RABL3: variants seen among roughly 807,000 people sequenced by gnomAD.
RABL3 encodes the protein rab-like protein 3.
A neutral mutation model predicts 31.8 loss-of-function variants in RABL3; 31 were observed. That is an observed-to-expected ratio of 0.97 (90% CI 0.73 to 1.31). The LOEUF is 1.31. RABL3 is among the 40% of genes most tolerant of loss of function. RABL3 has a pLI of 0.00. For missense variants in RABL3, 263 were observed against 279.6 expected, an observed-to-expected ratio of 0.94 and a Z score of 0.42; for synonymous variants, 97 against 99.9, an observed-to-expected ratio of 0.97 and a Z score of 0.18.
intron 6 of RABL3, among the ~76,000 whole-genome samples, chr3:120,693,873 T>TAAG (rs1171212764): frequency 6.6e-6 from 1 of 152,002 alleles, no homozygotes; most frequent in African/African-American, 2.4e-5. Context: ...AGAAAATGGG[T>TAAG]AAGTAGAAAT....
intron 1 of RABL3, among the ~76,000 whole-genome samples, chr3:120,741,724 GT>G (rs1164662326): frequency 6.6e-6 from 1 of 152,174 alleles, no homozygotes; most frequent in African/African-American, 2.4e-5. Flanking sequence ...TGGGCTCAGC[GT>G]TAAATCCTAG....
rs889202798 is a variant in RABL3, at chr3:120,689,982, A to G, written c.646-94T>C. The G allele has an allele frequency of 1.1e-5, 11 of 967,360 alleles. No individual in the cohort carries two copies. The East Asian group carries it at 2.7e-4, about 23-fold the overall frequency. 59.9% of individuals were successfully genotyped at this position (967,360 alleles called of 1,614,324 possible). The stretch of plus-strand genomic sequence containing the variant: ...CCCTTCTTTTCCATTTCTGTATGTC[A>G]GCCTGCTGTTTCTTAAAAAAACAAC... On this transcript the variant is annotated intron_variant, in intron 7 of 7. Coordinates refer to ENST00000273375, the MANE Select transcript of RABL3 (RefSeq NM_173825.5).
intron 1 of RABL3, among the ~76,000 whole-genome samples, chr3:120,738,314 T>C (rs1190882027): frequency 1.3e-5 from 2 of 152,224 alleles, no homozygotes; most frequent in African/African-American, 2.4e-5. Context: ...GTCAGAGATA[T>C]AATCTCCTGG....
intron 2 of RABL3, among the ~76,000 whole-genome samples, chr3:120,711,935 C>T (rs1270242679): frequency 2.0e-5 from 3 of 152,028 alleles, no homozygotes; most frequent in African/African-American, 2.4e-5. Context: ...TGCCACTGAT[C>T]GTCCCTGGTA....
At chr3:120,739,027 C>T (rs963741199) in intron 1 of RABL3, among the ~76,000 whole-genome samples, 1 of 152,150 alleles carries the variant, frequency 6.6e-6, no homozygotes, top group Non-Finnish European at 1.5e-5. Flanking sequence ...GGTCTTGTTG[C>T]ACCTCAACAG....
chr3:120,698,597 G>A (rs1359842557), intron 4 of RABL3, 24 bp from the exon 5 acceptor site: 3 of 1,583,430 alleles, frequency 1.9e-6, no homozygotes, highest in East Asian at 2.2e-5. Flanking sequence ...TAATGAAGAG[G>A]TGAATAGAAT....
intron 1 of RABL3, among the ~76,000 whole-genome samples, chr3:120,740,544 G>C (rs1017258338): frequency 3.9e-5 from 6 of 152,158 alleles, no homozygotes; most frequent in Non-Finnish European, 7.3e-5. Flanking sequence ...TTATAGGCTA[G>C]AGCCACCTTG....
chr3:120,705,807 GAAGAA>G (rs1300530140), intron 4 of RABL3, among the ~76,000 whole-genome samples, 188 bp downstream of exon 4: 3 of 152,122 alleles, frequency 2.0e-5, no homozygotes, highest in African/African-American at 7.2e-5. Context: ...ACAATCCATA[GAAGAA>G]AAGAAGAGTA....
chr3:120,720,948 A>G (rs1559819220), intron 2 of RABL3, among the ~76,000 whole-genome samples: 1 of 152,228 alleles, frequency 6.6e-6, no homozygotes, highest in African/African-American at 2.4e-5. Context: ...AAGTCAGGTT[A>G]CCCACAAAGG....
intron 5 of RABL3, among the ~76,000 whole-genome samples, chr3:120,697,176 A>T (rs1708446744): frequency 6.6e-6 from 1 of 152,218 alleles, no homozygotes; most frequent in South Asian, 2.1e-4. Flanking sequence ...ATGATTTCTA[A>T]GAGTTTTTTC....
At chr3:120,719,537 A>G (rs1708711439) in intron 2 of RABL3, among the ~76,000 whole-genome samples, 1 of 152,254 alleles carries the variant, frequency 6.6e-6, no homozygotes, top group Admixed American at 6.5e-5. Flanking sequence ...AGCAAAAGGC[A>G]CACCAGAAGA....
intron 4 of RABL3, among the ~76,000 whole-genome samples, chr3:120,700,894 TAA>T (rs201857708): frequency 6.6e-6 from 1 of 152,016 alleles, no homozygotes; most frequent in African/African-American, 2.4e-5. Flanking sequence ...AATAAAAAGT[TAA>T]AAAAAGTTAT....
At chr3:120,737,971 G>C (rs983745844) in intron 1 of RABL3, among the ~76,000 whole-genome samples, 6 of 152,206 alleles carry the variant, frequency 3.9e-5, no homozygotes, top group Non-Finnish European at 4.4e-5. Flanking sequence ...CTACTCGGGG[G>C]TCAGGGACCC....
chr3:120,737,490 A>G (rs1436137215), intron 1 of RABL3, among the ~76,000 whole-genome samples: 42 of 152,214 alleles, frequency 2.8e-4, no homozygotes, highest in Admixed American at 2.7e-3. Context: ...AGCTCGGAGA[A>G]GTTTGATCAT....
intron 1 of RABL3, among the ~76,000 whole-genome samples, chr3:120,739,503 C>T (rs965017755): frequency 6.6e-6 from 1 of 152,136 alleles, no homozygotes; most frequent in African/African-American, 2.4e-5. Context: ...CATAAATTCT[C>T]TGTTGATCTA....
At chr3:120,713,033 T>A (rs1013085665) in intron 2 of RABL3, among the ~76,000 whole-genome samples, 5 of 151,928 alleles carry the variant, frequency 3.3e-5, no homozygotes, top group Non-Finnish European at 7.4e-5. Context: ...CAGTACACCA[T>A]TTTTTTTCTC....
rs534568995 is a variant in RABL3 at position 120,733,068 on chromosome 3, G to C, written c.47-2281C>G. Among the ~76,000 whole-genome samples the C allele has an allele frequency of 7.9e-4, 121 of 152,250 alleles. 1 individual carries two copies. Among genetic ancestry groups the C allele is most frequent in the African/African-American group, 2.8e-3 (117 of 41,532 alleles). On this transcript the variant is annotated intron_variant, in intron 1 of 7. Transcript: ENST00000273375. Reference sequence around the variant, plus strand: ...AGCAGCATGATTTATAGTCCTTTGGGTATATACCCAGTAACGGGATGGCCG... The same window carrying C: ...AGCAGCATGATTTATAGTCCTTTGGCTATATACCCAGTAACGGGATGGCCG...
At chr3:120,733,563 G>T (rs894944048) in intron 1 of RABL3, among the ~76,000 whole-genome samples, 1 of 152,174 alleles carries the variant, frequency 6.6e-6, no homozygotes, top group African/African-American at 2.4e-5. Flanking sequence ...AGTTTAATTA[G>T]ATCCCATTTG....
chr3:120,730,648 G>T, intron 2 of RABL3, 48 bp downstream of exon 2: 1 of 1,219,664 alleles, frequency 8.2e-7, no homozygotes, highest in East Asian at 2.3e-5. Flanking sequence ...ATTTGAAGCA[G>T]TTATCTTTAG....
Sources: allele counts gnomAD v4.1 joint callset (sites outside exome capture counted in the v4.1 genomes callset), GRCh38; gene constraint gnomAD v4.1.1; transcripts MANE v1.5; gene names NCBI Gene and HGNC (gene_info 2026-07-23, HGNC 2026-07-21).